The following TECR variants were observed in gnomAD, a reference collection of about 807,000 sequenced individuals.
TECR encodes the protein trans-2,3-enoyl-CoA reductase, also known as very-long-chain enoyl-CoA reductase.
Under a neutral mutation model 50.6 loss-of-function variants are expected in TECR, and 19 were observed. That is an observed-to-expected ratio of 0.38 (90% CI 0.26 to 0.55). The LOEUF is 0.55. TECR is among the 20% of genes least tolerant of loss of function. TECR has a pLI of 0.79. For synonymous variants in TECR, 168 were observed against 163.5 expected, an observed-to-expected ratio of 1.03 and a Z score of -0.21; for missense variants, 313 against 408.3, an observed-to-expected ratio of 0.77 and a Z score of 2.01.
chr19:14,546,932 T>TG, intron 1 of TECR, among the ~76,000 whole-genome samples: 1 of 152,294 alleles, frequency 6.6e-6, no homozygotes, highest in South Asian at 2.1e-4. Flanking sequence ...TCAAGTGATC[T>TG]GATCTGCCCG....
chr19:14,552,595 G>A (rs1022697023), intron 1 of TECR, among the ~76,000 whole-genome samples: 1 of 151,430 alleles, frequency 6.6e-6, no homozygotes, highest in Non-Finnish European at 1.5e-5. Context: ...GTGCAGTGGC[G>A]CAATCTCTGG....
In TECR at chr19:14,564,190, G is replaced by C; in HGVS notation, c.392G>C (p.Cys131Ser). 6.2e-7 allele frequency: 1 copy of C among 1,607,278 alleles called. No homozygotes were observed. Among genetic ancestry groups the C allele is most frequent in the Non-Finnish European group, 8.5e-7 (1 of 1,179,792 alleles). The stretch of plus-strand genomic sequence containing the variant: ...CTGCTCCCCCCGACCAGCCTCGCCT[G>C]CATCTGTCACTCATTCCACTACATC... ...SSRHTVVHLA[C>S]ICHSFHYIKR... is the part of the protein sequence containing the mutation. The change falls in exon 7 of 13, where the codon TGC becomes TCC. Residue 131 changes from cysteine (C) to serine (S), a missense_variant. By Grantham distance (112) the Cys-to-Ser change is moderately radical. Transcript: ENST00000215567.
At chr19:14,536,151 C>T (rs1235182408) in intron 1 of TECR, among the ~76,000 whole-genome samples, 1 of 152,136 alleles carries the variant, frequency 6.6e-6, no homozygotes, top group East Asian at 1.9e-4. Flanking sequence ...TTGATTGATA[C>T]TCTTCCTGGG....
rs545193107 is a variant in TECR at position 14,544,635 on chromosome 19, C to CT, written c.15+14940dup. ...TTGCTGCTGCGGTGTTTGGCCATTC[C>CT]TTTTTTTTTTTTTTTTGAGACAGGG... On this transcript the variant is annotated intron_variant, in intron 1 of 12. Transcript: ENST00000215567. Among the ~76,000 whole-genome samples, 1,258 of 134,180 alleles carry CT rather than the reference C, an allele frequency of 9.4e-3. 12 individuals are homozygous for CT. Among genetic ancestry groups the CT allele is most frequent in the South Asian group, 0.022 (84 of 3,878 alleles). The allele number at this position is 134,180 out of a possible 152,430, so 88.0% of individuals were successfully genotyped here.
chr19:14,557,114 C>CTTTAT (rs1555736112), intron 1 of TECR, among the ~76,000 whole-genome samples: 1 of 140,384 alleles, frequency 7.1e-6, no homozygotes, highest in Admixed American at 7.3e-5. Flanking sequence ...TTGGTCTAAT[C>CTTTAT]TTATTTATTT....
In TECR at chr19:14,564,818, G is replaced by C; in HGVS notation, c.522G>C (p.Trp174Cys). 3 of 1,613,678 alleles carry C rather than the reference G, an allele frequency of 1.9e-6. No homozygotes were observed. The highest frequency in any genetic ancestry group is 2.5e-6 in the Non-Finnish European group (3 of 1,179,966). The part of the protein sequence containing the change: ...NCTYYWGFAA[W>C]MAYYINHPLY... ...CCTACTACTGGGGCTTCGCCGCGTG[G>C]ATGGCCTATTACATCAATCACCCTC... is the stretch of plus-strand genomic sequence containing the variant. Residue 174 changes from tryptophan to cysteine, a missense_variant, in exon 8 of 13, where the codon TGG (tryptophan) becomes TGC (cysteine). Coordinates refer to ENST00000215567, the MANE Select transcript of TECR (RefSeq NM_138501.6).
chr19:14,561,379 G>A (rs989144938), intron 1 of TECR, among the ~76,000 whole-genome samples: 1 of 152,148 alleles, frequency 6.6e-6, no homozygotes, highest in African/African-American at 2.4e-5. Flanking sequence ...TGTATAATAG[G>A]ATTGCACTGA....
chr19:14,536,863 G>A (rs986450085), intron 1 of TECR, among the ~76,000 whole-genome samples: 3 of 151,688 alleles, frequency 2.0e-5, no homozygotes, highest in Non-Finnish European at 4.4e-5. Context: ...TACCTGGAAA[G>A]CCTCAGCTTG....
rs913350417 is a variant in TECR at position 14,563,609 on chromosome 19, G to T, written c.119-49G>T. On this transcript the variant is annotated intron_variant, in intron 3 of 12. Coordinates refer to ENST00000215567, the MANE Select transcript of TECR (RefSeq NM_138501.6). The surrounding 1 kb of genome is among the most constrained non-coding windows in gnomAD (Gnocchi z 5.3). ...GGCACAGTGGCTGGGCAGCGGACCGGCTGAGCCCTGCCAGGCTGTGGGCTG... is the reference window on the plus strand; with the variant it reads ...GGCACAGTGGCTGGGCAGCGGACCGTCTGAGCCCTGCCAGGCTGTGGGCTG... The T allele has an allele frequency of 6.2e-7, 1 of 1,608,516 alleles. No individual in the cohort carries two copies. Among genetic ancestry groups the T allele is most frequent in the Non-Finnish European group, 8.5e-7 (1 of 1,178,858 alleles).
intron 1 of TECR, chr19:14,545,699 G>A: frequency 6.1e-6 from 1 of 162,802 alleles, no homozygotes; most frequent in East Asian, 1.8e-4. Flanking sequence ...AAACTGCACA[G>A]TTAGCAGAAA....
At chr19:14,554,144 A>G (rs1034335628) in intron 1 of TECR, among the ~76,000 whole-genome samples, 3 of 152,014 alleles carry the variant, frequency 2.0e-5, no homozygotes, top group Non-Finnish European at 4.4e-5. Flanking sequence ...GGGCTCTGGG[A>G]TTTACTGCTT....
intron 1 of TECR, among the ~76,000 whole-genome samples, chr19:14,554,064 G>A (rs2073633253): frequency 6.6e-6 from 1 of 152,200 alleles, no homozygotes; most frequent in Non-Finnish European, 1.5e-5. Flanking sequence ...CATCAGCTCT[G>A]CAAGGGGGCC....
At chr19:14,542,236 A>T (rs2073117919) in intron 1 of TECR, among the ~76,000 whole-genome samples, 1 of 150,624 alleles carries the variant, frequency 6.6e-6, no homozygotes, top group Admixed American at 6.7e-5. Context: ...AAGTGCAGGG[A>T]TTACAGGTGT....
At chr19:14,564,366 A>G (rs1347435629) in intron 7 of TECR, 79 bp downstream of exon 7, 6 of 841,116 alleles carry the variant, frequency 7.1e-6, no homozygotes, top group Middle Eastern at 4.2e-4. Context: ...GCCCCACCCC[A>G]AGGCCCTTCC....
Position 14,564,210 on chromosome 19 carries a change from T to C in TECR, c.412T>C (p.Tyr138His). 6.2e-7 allele frequency: 1 copy of C among 1,608,118 alleles called. No homozygotes were observed. Among genetic ancestry groups the C allele is most frequent in the Non-Finnish European group, 8.5e-7 (1 of 1,179,810 alleles). ...CGCCTGCATCTGTCACTCATTCCAC[T>C]ACATCAAGCGCCTGCTGGAGACGCT... ...HLACICHSFH[Y>H]IKRLLETLFV... The change falls in exon 7 of 13, where the codon TAC becomes CAC. Residue 138 changes from tyrosine to histidine, a missense_variant. Tyr to His is a moderately conservative substitution (Grantham distance 83). Transcript: ENST00000215567.
In TECR at chr19:14,529,665, C is replaced by G; in HGVS notation, c.-32C>G. 6.2e-7 allele frequency: 1 copy of G among 1,613,762 alleles called. No individual in the cohort carries two copies. The highest frequency in any genetic ancestry group is 1.1e-5 in the South Asian group (1 of 91,080). ...GTGCCGCGCAGTTAGGCAGCAGCAG[C>G]CGCGGAGCAGTAGCCGCCGTGGGAG... On this transcript the variant is annotated 5_prime_UTR_variant, in exon 1 of 13. Coordinates refer to ENST00000215567, the MANE Select transcript of TECR (RefSeq NM_138501.6).
upstream of TECR, chr19:14,529,157 C>A: frequency 5.2e-6 from 1 of 193,708 alleles, no homozygotes. Context: ...AGCCCGCGAC[C>A]CCAGCCCCTA....
At chr19:14,537,576 C>G (rs1008168096) in intron 1 of TECR, among the ~76,000 whole-genome samples, 1 of 152,076 alleles carries the variant, frequency 6.6e-6, no homozygotes, top group Admixed American at 6.6e-5. Flanking sequence ...TGAGAAAGGC[C>G]AGAGACCTTG....
chr19:14,528,272 G>A (rs2072478106), upstream of TECR, among the ~76,000 whole-genome samples: 1 of 131,528 alleles, frequency 7.6e-6, no homozygotes, highest in Admixed American at 7.7e-5. Flanking sequence ...TTTTGAGACG[G>A]TCTGTTGCTC....
Sources: allele counts gnomAD v4.1 joint callset (sites outside exome capture counted in the v4.1 genomes callset), GRCh38; gene constraint gnomAD v4.1.1; non-coding constraint Gnocchi (gnomAD v3.1); transcripts MANE v1.5; gene names NCBI Gene and HGNC (gene_info 2026-07-23, HGNC 2026-07-21).